ATP8A1: variants seen among roughly 807,000 people sequenced by gnomAD.
The protein encoded by ATP8A1 is ATPase phospholipid transporting 8A1.
In ATP8A1, 90 loss-of-function variants were observed where a neutral mutation model predicts 177.7. That is an observed-to-expected ratio of 0.51 (90% CI 0.43 to 0.60). ATP8A1 has a LOEUF of 0.60. Among genes scored for constraint, ATP8A1 ranks in the 20% least tolerant of loss-of-function variants. The pLI is 0.00. For missense variants in ATP8A1, 1,072 were observed against 1,392.8 expected, an observed-to-expected ratio of 0.77 and a Z score of 3.67; for synonymous variants, 493 against 485.9, an observed-to-expected ratio of 1.01 and a Z score of -0.19.
chr4:42,581,295 G>C (rs551521838), intron 10 of ATP8A1, among the ~76,000 whole-genome samples: 1 of 152,022 alleles, frequency 6.6e-6, no homozygotes, highest in Non-Finnish European at 1.5e-5. Context: ...TACCACGCCC[G>C]GCTAATTTTT....
Position 42,409,156 on chromosome 4 carries a change from A to G in ATP8A1, c.*3760T>C, listed in dbSNP as rs1423882718. The G allele has an allele frequency of 6.6e-6, 1 of 152,200 alleles. No individual in the cohort carries two copies. Among genetic ancestry groups the G allele is most frequent in the African/African-American group, 2.4e-5 (1 of 41,472 alleles). The allele number at this position is 152,200 out of a possible 1,614,324, so 9.4% of individuals were successfully genotyped here. A position where few individuals can be genotyped will look rare whatever the true frequency, so the allele number is the denominator to read the frequency against. On this transcript the variant is annotated 3_prime_UTR_variant, in exon 37 of 37. Coordinates refer to ENST00000381668, the MANE Select transcript of ATP8A1 (RefSeq NM_006095.2). ...TTACAAGGCAGAAATAAACATCAAG[A>G]TTTACAGCAATAGCCATGCATTGGC...
At chr4:42,543,333 A>G (rs1204303794) in intron 20 of ATP8A1, among the ~76,000 whole-genome samples, 2 of 152,078 alleles carry the variant, frequency 1.3e-5, no homozygotes, top group Admixed American at 1.3e-4. Context: ...ATGCTGACTC[A>G]TCTCAATTAA....
Position 42,656,116 on chromosome 4 carries a change from C to T in ATP8A1, c.49+709G>A, listed in dbSNP as rs78962269. Among the ~76,000 whole-genome samples, 356 of 152,272 alleles carry T rather than the reference C, an allele frequency of 2.3e-3. 6 individuals carry two copies. The East Asian group carries it at 0.045, about 19-fold the overall frequency. On this transcript the variant is annotated intron_variant, in intron 1 of 36. Transcript: ENST00000381668. ...CCCTCGGAAAGCTTACTTGCTTCTACCCCGGAGCATCTGTTGCTCAGTGTT... is the reference window on the plus strand; with the variant it reads ...CCCTCGGAAAGCTTACTTGCTTCTATCCCGGAGCATCTGTTGCTCAGTGTT...
intron 24 of ATP8A1, among the ~76,000 whole-genome samples, chr4:42,489,898 C>T (rs1294378820): frequency 6.6e-6 from 1 of 151,990 alleles, no homozygotes; most frequent in Admixed American, 6.6e-5. Flanking sequence ...CAATGAGAAG[C>T]TAAATCAGAA....
intron 20 of ATP8A1, among the ~76,000 whole-genome samples, chr4:42,542,810 TTAAAGTCTC>T (rs548625833): frequency 1.3e-3 from 204 of 152,314 alleles, no homozygotes; most frequent in Non-Finnish European, 2.6e-3. Context: ...TGTATATGTG[TTAAAGTCTC>T]TCTTTATTCC....
At chr4:42,597,757 C>T (rs191739603) in intron 6 of ATP8A1, among the ~76,000 whole-genome samples, 1 of 152,126 alleles carries the variant, frequency 6.6e-6, no homozygotes, top group African/African-American at 2.4e-5. Context: ...TTCCAGAATC[C>T]CGTTTTCACA....
intron 25 of ATP8A1, among the ~76,000 whole-genome samples, chr4:42,474,885 A>G (rs1377380866): frequency 1.3e-5 from 2 of 151,998 alleles, no homozygotes; most frequent in African/African-American, 4.8e-5. Context: ...TCTGACCTAG[A>G]GAGTGAAAGT....
intron 5 of ATP8A1, among the ~76,000 whole-genome samples, chr4:42,607,155 T>C (rs1346231874): frequency 2.0e-5 from 3 of 152,194 alleles, no homozygotes; most frequent in Non-Finnish European, 4.4e-5. Flanking sequence ...GCAGTGCTGG[T>C]AGGCTCCCTA....
intron 9 of ATP8A1, among the ~76,000 whole-genome samples, chr4:42,583,043 C>T (rs968454666): frequency 8.5e-5 from 13 of 152,104 alleles, no homozygotes; most frequent in Admixed American, 6.5e-5. Context: ...CAAGAAAAGT[C>T]GACAGACAAC....
rs1017488703 is a variant in ATP8A1 at position 42,410,155 on chromosome 4, T to G, written c.*2761A>C. The G allele has an allele frequency of 1.3e-5, 2 of 152,150 alleles. No individual in the cohort carries two copies. Among genetic ancestry groups the G allele is most frequent in the Non-Finnish European group, 2.9e-5 (2 of 68,002 alleles). 9.4% of individuals were successfully genotyped at this position (152,150 alleles called of 1,614,324 possible). ...TAATAATATCTACAATATAACATCT[T>G]TCTGGGTGTGAGACACCAATATATT... On this transcript the variant is annotated 3_prime_UTR_variant, in exon 37 of 37. Coordinates refer to ENST00000381668, the MANE Select transcript of ATP8A1 (RefSeq NM_006095.2).
chr4:42,495,133 G>A (rs1723132500), intron 24 of ATP8A1, among the ~76,000 whole-genome samples: 1 of 152,156 alleles, frequency 6.6e-6, no homozygotes, highest in Non-Finnish European at 1.5e-5. Context: ...AAGACGTGAG[G>A]TATTTACAAA....
In ATP8A1 at chr4:42,409,614, A is replaced by G. The variant is rs1712368834; in HGVS notation, c.*3302T>C. 1 of 152,148 alleles carries G rather than the reference A, an allele frequency of 6.6e-6. No homozygotes were observed. Among genetic ancestry groups the G allele is most frequent in the Admixed American group, 6.5e-5 (1 of 15,282 alleles). The allele number at this position is 152,148 out of a possible 1,614,324, so 9.4% of individuals were successfully genotyped here. On this transcript the variant is annotated 3_prime_UTR_variant, in exon 37 of 37. Coordinates refer to ENST00000381668, the MANE Select transcript of ATP8A1 (RefSeq NM_006095.2). ...ATAGGTTTTAAAACCAGGAACTATC[A>G]AAGGGCAACTGCACAAAAATAAACA...
At chr4:42,456,666 A>C (rs1400301634) in intron 27 of ATP8A1, among the ~76,000 whole-genome samples, 2 of 152,178 alleles carry the variant, frequency 1.3e-5, no homozygotes, top group Non-Finnish European at 2.9e-5. Context: ...TCAAATATCA[A>C]ATGGATCTGG....
At chr4:42,418,989 A>C (rs1316239157) in intron 35 of ATP8A1, among the ~76,000 whole-genome samples, 1 of 152,228 alleles carries the variant, frequency 6.6e-6, no homozygotes, top group Non-Finnish European at 1.5e-5. Context: ...AAGATTAAAA[A>C]AATTGGGGAT....
chr4:42,455,214 C>T, intron 29 of ATP8A1, 83 bp downstream of exon 29: 1 of 1,542,928 alleles, frequency 6.5e-7, no homozygotes, highest in Non-Finnish European at 8.8e-7. Flanking sequence ...TATCCTTGGC[C>T]TTTGAAAACC....
At chr4:42,413,359 C>T (rs2153165185) in intron 36 of ATP8A1, among the ~76,000 whole-genome samples, 1 of 152,214 alleles carries the variant, frequency 6.6e-6, no homozygotes, top group Middle Eastern at 3.4e-3. Context: ...GTCAAGTGGG[C>T]TCACATATTT....
intron 35 of ATP8A1, among the ~76,000 whole-genome samples, chr4:42,421,513 C>T (rs115342895): frequency 5.0e-4 from 76 of 152,198 alleles, no homozygotes; most frequent in African/African-American, 1.8e-3. Context: ...AGGGTTGTTA[C>T]TGGGATTCAG....
intron 3 of ATP8A1, chr4:42,625,178 A>T (rs1177134053): frequency 6.5e-6 from 1 of 152,956 alleles, no homozygotes; most frequent in Non-Finnish European, 1.5e-5. Context: ...TTTTATTTTC[A>T]AGTTCAATGA....
intron 20 of ATP8A1, among the ~76,000 whole-genome samples, chr4:42,533,825 T>C (rs979345530): frequency 1.3e-5 from 2 of 152,150 alleles, no homozygotes; most frequent in African/African-American, 2.4e-5. Context: ...CTGAGAGACC[T>C]GAAGATGGAT....
Sources: allele counts gnomAD v4.1 joint callset (sites outside exome capture counted in the v4.1 genomes callset), GRCh38; gene constraint gnomAD v4.1.1; transcripts MANE v1.5; gene names NCBI Gene and HGNC (gene_info 2026-07-23, HGNC 2026-07-21).